Variants in MIB1 observed in about 807,000 individuals in gnomAD.
The protein encoded by MIB1 is E3 ubiquitin-protein ligase MIB1.
In MIB1, 278 loss-of-function variants were observed where a neutral mutation model predicts 124.5. That is an observed-to-expected ratio of 2.23 (90% CI 2.02 to 2.47). The LOEUF (loss-of-function observed/expected upper bound fraction) is 2.47. Among genes scored for constraint, MIB1 ranks in the 30% most tolerant of loss-of-function variants. MIB1 has a pLI of 0.00. For synonymous variants in MIB1, 446 were observed against 429.4 expected (o/e 1.04, Z -0.48); for missense variants, 957 against 1,254.4 (o/e 0.76, Z 3.58).
chr18:21,865,829 G>T lies in MIB1; in HGVS notation c.*1163G>T, dbSNP rs1174726885. On this transcript the variant is annotated 3_prime_UTR_variant, in exon 21 of 21. Coordinates refer to ENST00000261537, the MANE Select transcript of MIB1 (RefSeq NM_020774.4). ...AACTGCCAACAATATCCAAGACATGGTCAATAACCTAATTATAAATACTTT... is the reference window on the plus strand; with the variant it reads ...AACTGCCAACAATATCCAAGACATGTTCAATAACCTAATTATAAATACTTT... 1.3e-5 allele frequency: 2 copies of T among 152,318 alleles called. No homozygotes were observed. The highest frequency in any genetic ancestry group is 4.8e-5 in the African/African-American group (2 of 41,360). The allele number at this position is 152,318 out of a possible 1,614,324, so 9.4% of individuals were successfully genotyped here.
intron 1 of MIB1, among the ~76,000 whole-genome samples, chr18:21,749,901 C>G (rs964934595): frequency 6.6e-6 from 1 of 151,986 alleles, no homozygotes; most frequent in Non-Finnish European, 1.5e-5. Context: ...CTCAGCTTTC[C>G]AAAGTGCTGG....
rs561920885 is a variant in MIB1, at chr18:21,791,321, G to A, written c.909-53G>A. 90 of 1,428,658 alleles carry A rather than the reference G, an allele frequency of 6.3e-5. 1 individual carries two copies. In the South Asian group the frequency reaches 8.4e-4, roughly 13 times the overall value. The allele number at this position is 1,428,658 out of a possible 1,614,324, so 88.5% of individuals were successfully genotyped here. A position where few individuals can be genotyped will look rare whatever the true frequency, so the allele number is the denominator to read the frequency against. On this transcript the variant is annotated intron_variant, in intron 6 of 20. Coordinates refer to ENST00000261537, the MANE Select transcript of MIB1 (RefSeq NM_020774.4). ...TTGATCTTCACTGTTTAAGAATTTT[G>A]TATTAAAATTAAGCAAAGCTACCCA...
intron 1 of MIB1, among the ~76,000 whole-genome samples, chr18:21,744,083 T>A (rs566524569): frequency 1.3e-5 from 2 of 151,174 alleles, no homozygotes; most frequent in Non-Finnish European, 3.0e-5. Context: ...TTTCAACCTT[T>A]TAAATTCTTC....
chr18:21,808,728 T>C (rs1254259789), intron 10 of MIB1, among the ~76,000 whole-genome samples: 1 of 152,196 alleles, frequency 6.6e-6, no homozygotes, highest in African/African-American at 2.4e-5. Context: ...TCAAGGACTA[T>C]GATATCTTAG....
chr18:21,746,731 T>C (rs1241422816), intron 1 of MIB1, among the ~76,000 whole-genome samples: 1 of 152,222 alleles, frequency 6.6e-6, no homozygotes, highest in Non-Finnish European at 1.5e-5. Flanking sequence ...GTGTCGATAA[T>C]ACAGAGTTAG....
intron 1 of MIB1, among the ~76,000 whole-genome samples, chr18:21,718,323 T>A (rs2040698851): frequency 6.6e-6 from 1 of 152,046 alleles, no homozygotes; most frequent in African/African-American, 2.4e-5. Context: ...ACCAAAAATT[T>A]CACAAATCAC....
intron 20 of MIB1, 34 bp downstream of exon 20, chr18:21,858,680 GA>G (rs1295416636): frequency 9.8e-7 from 1 of 1,016,846 alleles, no homozygotes; most frequent in Non-Finnish European, 1.6e-6. Context: ...GTGATGCTGT[GA>G]ATGGCACTGA....
At chr18:21,775,317 GA>G (rs951168939) in intron 4 of MIB1, among the ~76,000 whole-genome samples, 1 of 152,044 alleles carries the variant, frequency 6.6e-6, no homozygotes, top group African/African-American at 2.4e-5. Context: ...ATAGTTCACT[GA>G]AGTCCTGAAC....
rs1700690238 is a variant in MIB1, at chr18:21,868,964, T to G, written c.*4298T>G. On this transcript the variant is annotated 3_prime_UTR_variant, in exon 21 of 21. Coordinates refer to ENST00000261537, the MANE Select transcript of MIB1 (RefSeq NM_020774.4). ...CCGATGAATTAAAATTGTAAATTGC[T>G]ACATTGGCATTTTCTACCTCCTTTT... 1 of 152,472 alleles carries G rather than the reference T, an allele frequency of 6.6e-6. No individual in the cohort carries two copies. Among genetic ancestry groups the G allele is most frequent in the South Asian group, 2.1e-4 (1 of 4,830 alleles). 9.4% of individuals were successfully genotyped at this position (152,472 alleles called of 1,614,324 possible).
intron 1 of MIB1, among the ~76,000 whole-genome samples, chr18:21,723,383 AATG>A (rs1390893717): frequency 6.6e-6 from 1 of 152,096 alleles, no homozygotes; most frequent in African/African-American, 2.4e-5. Context: ...CTTATTGCAG[AATG>A]ATATTTAGAA....
chr18:21,724,741 T>A (rs1215201883), intron 1 of MIB1, among the ~76,000 whole-genome samples: 1,092 of 72,868 alleles, frequency 0.015, 40 homozygotes, highest in Middle Eastern at 0.024. Flanking sequence ...TATATATATA[T>A]ATATATATAT....
chr18:21,743,802 T>C (rs2040882773), intron 1 of MIB1, among the ~76,000 whole-genome samples: 1 of 152,222 alleles, frequency 6.6e-6, no homozygotes, highest in Admixed American at 6.5e-5. Flanking sequence ...GTGTAACAGA[T>C]TCTTTACTAC....
rs182229134 is a variant in MIB1, at chr18:21,778,952, T to C, written c.704-529T>C. On this transcript the variant is annotated intron_variant, in intron 5 of 20. Coordinates refer to ENST00000261537, the MANE Select transcript of MIB1 (RefSeq NM_020774.4). ...TTTTGGATCTCAGTATAGTGTTTCA[T>C]GATCATGAATTCATCTCAGAACTAG... is the stretch of plus-strand genomic sequence containing the variant. Among the ~76,000 whole-genome samples the C allele has an allele frequency of 3.8e-3, 576 of 152,308 alleles. 4 individuals carry two copies. Among genetic ancestry groups the C allele is most frequent in the Middle Eastern group, 6.8e-3 (2 of 294 alleles).
At chr18:21,755,168 A>G (rs1297042029) in intron 1 of MIB1, among the ~76,000 whole-genome samples, 2 of 152,062 alleles carry the variant, frequency 1.3e-5, no homozygotes, top group East Asian at 3.9e-4. Context: ...ACAGCAATTT[A>G]ACCATTTCCT....
At chr18:21,806,577 A>G (rs1568209899) in intron 10 of MIB1, among the ~76,000 whole-genome samples, 2 of 151,920 alleles carry the variant, frequency 1.3e-5, no homozygotes, top group Non-Finnish European at 2.9e-5. Context: ...ATGGGAGTTG[A>G]AGTGAGTCTT....
Position 21,740,949 on chromosome 18 carries a change from G to T in MIB1, c.-635G>T, listed in dbSNP as rs1162435308. On this transcript the variant is annotated 5_prime_UTR_variant, in exon 1 of 21. Coordinates refer to ENST00000261537, the MANE Select transcript of MIB1 (RefSeq NM_020774.4). ...TCCGGCCTTGGGTACGGCGGTACCC[G>T]GATGTGGAGTCGCTCTCGCCCGGCT... is the stretch of plus-strand genomic sequence containing the variant. 6.6e-6 allele frequency among the ~76,000 whole-genome samples: 1 copy of T among 152,222 alleles called. No individual in the cohort carries two copies. Among genetic ancestry groups the T allele is most frequent in the African/African-American group, 2.4e-5 (1 of 41,470 alleles).
At chr18:21,797,935 T>C (rs540088179) in intron 7 of MIB1, 149 bp from the exon 8 acceptor site, 6 of 623,192 alleles carry the variant, frequency 9.6e-6, no homozygotes, top group South Asian at 2.5e-5. Context: ...TTTGTACTTA[T>C]TCAAATAACC....
intron 2 of MIB1, 79 bp downstream of exon 2, chr18:21,766,022 G>A: frequency 7.3e-7 from 1 of 1,372,566 alleles, no homozygotes; most frequent in Non-Finnish European, 1.0e-6. Flanking sequence ...TTAAAAATAG[G>A]ATTAGCAAAT....
intron 20 of MIB1, among the ~76,000 whole-genome samples, chr18:21,861,663 CA>C (rs60442426): frequency 1.3e-5 from 2 of 148,826 alleles, no homozygotes; most frequent in African/African-American, 4.9e-5. Context: ...AAAAAAAAAA[CA>C]AACAACAACC....
Sources: gnomAD v4.1 joint callset for allele counts (sites outside exome capture counted in the v4.1 genomes callset) on GRCh38, gnomAD v4.1.1 for gene constraint, MANE v1.5 for transcripts, NCBI Gene and HGNC (gene_info 2026-07-23, HGNC 2026-07-21) for gene names.